Variants in PCDHA13 observed in about 807,000 individuals in gnomAD.
PCDHA13 encodes protocadherin alpha-13.
Under a neutral mutation model 64.8 loss-of-function variants are expected in PCDHA13, and 54 were observed. The observed-to-expected ratio is 0.83, with a 90% CI of 0.67 to 1.04. PCDHA13 has a LOEUF of 1.04. Ranked by LOEUF, PCDHA13 falls within the 50% of genes least tolerant of loss-of-function variation. PCDHA13 has a pLI of 0.00. For missense variants in PCDHA13, 1,248 were observed against 1,254.3 expected (o/e 0.99, Z 0.08); for synonymous variants, 587 against 564.4 (o/e 1.04, Z -0.57).
chr5:140,955,658 AT>A (rs1187332497), intron 1 of PCDHA13, among the ~76,000 whole-genome samples: 1 of 152,156 alleles, frequency 6.6e-6, no homozygotes, highest in African/African-American at 2.4e-5. Flanking sequence ...ACACATATGA[AT>A]TTTAACATAG....
intron 1 of PCDHA13, among the ~76,000 whole-genome samples, chr5:140,923,301 G>C (rs1554201374): frequency 6.6e-6 from 1 of 152,206 alleles, no homozygotes; most frequent in African/African-American, 2.4e-5. Context: ...AGCTGGGCGT[G>C]GGGGCGCTTG....
chr5:140,952,512 C>T (rs1381568463), intron 1 of PCDHA13, among the ~76,000 whole-genome samples: 1 of 152,124 alleles, frequency 6.6e-6, no homozygotes, highest in Non-Finnish European at 1.5e-5. Flanking sequence ...TCCTCATCTC[C>T]ATCTGAGACC....
chr5:140,942,701 G>T (rs2093357342), intron 1 of PCDHA13, among the ~76,000 whole-genome samples: 1 of 152,080 alleles, frequency 6.6e-6, no homozygotes, highest in Non-Finnish European at 1.5e-5. Flanking sequence ...TGAGAAATAT[G>T]AAGTAAAAGT....
At chr5:140,886,461 A>G (rs1434440381) in intron 1 of PCDHA13, among the ~76,000 whole-genome samples, 2 of 152,116 alleles carry the variant, frequency 1.3e-5, no homozygotes, top group African/African-American at 2.4e-5. Context: ...TCATATATAA[A>G]TGTTTTTAAA....
At chr5:140,942,601 GT>G (rs1453167051) in intron 1 of PCDHA13, among the ~76,000 whole-genome samples, 1 of 130,480 alleles carries the variant, frequency 7.7e-6, no homozygotes, top group Non-Finnish European at 1.6e-5. Flanking sequence ...TAATTATAGT[GT>G]TTATATTTGC....
intron 1 of PCDHA13, among the ~76,000 whole-genome samples, chr5:140,961,096 G>A (rs1040764862): frequency 3.9e-5 from 6 of 152,222 alleles, no homozygotes; most frequent in Admixed American, 3.3e-4. Flanking sequence ...TGACTTTTTG[G>A]TCACCCAACC....
intron 1 of PCDHA13, among the ~76,000 whole-genome samples, chr5:140,921,599 G>A (rs2080288942): frequency 6.6e-6 from 1 of 152,036 alleles, no homozygotes; most frequent in African/African-American, 2.4e-5. Flanking sequence ...GGTTTCAAAG[G>A]TAATAAGAAA....
intron 1 of PCDHA13, among the ~76,000 whole-genome samples, chr5:140,945,406 G>A (rs992531626): frequency 2.0e-4 from 30 of 151,882 alleles, no homozygotes; most frequent in East Asian, 1.2e-3. Flanking sequence ...AATACAATTC[G>A]TATCAAAATT....
In PCDHA13 at chr5:140,995,657, A is replaced by C. The variant is rs188298109; in HGVS notation, c.2542+13094A>C. Among the ~76,000 whole-genome samples, 56 of 152,328 alleles carry C rather than the reference A, an allele frequency of 3.7e-4. No homozygotes were observed. The East Asian group carries it at 7.7e-3, about 21-fold the overall frequency. Reference sequence around the variant, plus strand: ...AGTGTTTAGAAAAGGAGAATCGAAAAGGGAAGTAAATGCAGCATTTTTTTT... The same window carrying C: ...AGTGTTTAGAAAAGGAGAATCGAAACGGGAAGTAAATGCAGCATTTTTTTT... On this transcript the variant is annotated intron_variant, in intron 3 of 3. Coordinates refer to ENST00000289272, the MANE Select transcript of PCDHA13 (RefSeq NM_018904.3).
At chr5:140,929,768 C>T (rs534287991) in intron 1 of PCDHA13, 1 of 175,482 alleles carries the variant, frequency 5.7e-6, no homozygotes, top group South Asian at 2.0e-4. Context: ...ACGATAACCA[C>T]AAAAGATGTA....
At chr5:140,897,543 C>A (rs1325895994) in intron 1 of PCDHA13, among the ~76,000 whole-genome samples, 2 of 152,044 alleles carry the variant, frequency 1.3e-5, no homozygotes, top group African/African-American at 4.8e-5. Flanking sequence ...GCTGCATAGT[C>A]TTCCATGGTG....
chr5:140,899,721 T>C (rs1415074846), intron 1 of PCDHA13, among the ~76,000 whole-genome samples: 1 of 152,250 alleles, frequency 6.6e-6, no homozygotes, highest in Non-Finnish European at 1.5e-5. Flanking sequence ...GATTCCCTCT[T>C]TTTCTATTGA....
chr5:140,954,782 C>T (rs894049284), intron 1 of PCDHA13, among the ~76,000 whole-genome samples: 3 of 152,128 alleles, frequency 2.0e-5, no homozygotes, highest in Non-Finnish European at 4.4e-5. Context: ...TTAATTAGAT[C>T]TCATTTGTCA....
rs1028376160 is a variant in PCDHA13 at position 140,924,281 on chromosome 5, C to T, written c.2394+39619C>T. Among the ~76,000 whole-genome samples the T allele has an allele frequency of 2.6e-5, 4 of 152,170 alleles. No individual in the cohort carries two copies. The East Asian group carries it at 7.7e-4, about 29-fold the overall frequency. ...TAATGAGGTCTGTACTTGTGACTAC[C>T]TAATAGGCTGACATGTTTCCTCCTT... is the stretch of plus-strand genomic sequence containing the variant. On this transcript the variant is annotated intron_variant, in intron 1 of 3. Coordinates refer to ENST00000289272, the MANE Select transcript of PCDHA13 (RefSeq NM_018904.3).
intron 1 of PCDHA13, chr5:140,928,163 C>A: frequency 6.2e-7 from 1 of 1,614,204 alleles, no homozygotes; most frequent in Non-Finnish European, 8.5e-7. Flanking sequence ...GGCTCACCCC[C>A]ACTTAGCACC....
In PCDHA13 at chr5:140,884,096, G is replaced by T. The variant is rs782587372; in HGVS notation, c.1828G>T (p.Glu610Ter). 6.2e-7 allele frequency: 1 copy of T among 1,613,580 alleles called. No individual in the cohort carries two copies. Among genetic ancestry groups the T allele is most frequent in the Non-Finnish European group, 8.5e-7 (1 of 1,179,746 alleles). ...GGGCTACAATGCGTGGCTTTCGTAT[G>T]AATTGCAGCTGGCGGCGGTCGGCGC... ...DSGYNAWLSYELQLAAVGARI... is the reference protein window; with the variant it reads ...DSGYNAWLSY Residue 610 changes from glutamate (E) to a stop codon, truncating the protein, a stop_gained, in exon 1 of 4, where the codon GAA (glutamate) becomes TAA (stop). Transcript: ENST00000289272. LOFTEE classifies it high-confidence loss of function.
intron 1 of PCDHA13, among the ~76,000 whole-genome samples, chr5:140,937,163 G>A (rs1169573071): frequency 2.0e-5 from 3 of 150,028 alleles, no homozygotes; most frequent in East Asian, 4.0e-4. Flanking sequence ...TCAGCCTCCC[G>A]AGTAGCTGGG....
intron 1 of PCDHA13, among the ~76,000 whole-genome samples, chr5:140,964,705 C>T (rs1361202248): frequency 2.6e-5 from 4 of 151,550 alleles, no homozygotes; most frequent in Non-Finnish European, 4.4e-5. Flanking sequence ...TTAAGGCCTC[C>T]GAGATCAAAT....
At chr5:140,887,776 G>T (rs2061574225) in intron 1 of PCDHA13, among the ~76,000 whole-genome samples, 1 of 152,036 alleles carries the variant, frequency 6.6e-6, no homozygotes, top group Non-Finnish European at 1.5e-5. Context: ...CAATGACACA[G>T]GTCATTGAAG....
Sources: allele counts gnomAD v4.1 joint callset (sites outside exome capture counted in the v4.1 genomes callset), GRCh38; gene constraint gnomAD v4.1.1; transcripts MANE v1.5; gene names NCBI Gene and HGNC (gene_info 2026-07-23, HGNC 2026-07-21).